Variants in DENND11 observed in about 807,000 individuals in gnomAD.
The protein encoded by DENND11 is DENN domain-containing protein 11.
Under a neutral mutation model 49.2 loss-of-function variants are expected in DENND11, and 34 were observed. The ratio of observed to expected loss-of-function variants is 0.69; its 90% CI spans 0.53 to 0.92. DENND11 has a LOEUF of 0.92. DENND11 is among the 40% of genes least tolerant of loss of function. The pLI, the probability that DENND11 is intolerant of heterozygous loss-of-function variation, is 0.00. For synonymous variants in DENND11, 238 were observed against 230.3 expected (o/e 1.03, Z -0.30); for missense variants, 475 against 581.6 (o/e 0.82, Z 1.88).
In DENND11 at chr7:141,665,017, C is replaced by T; in HGVS notation, c.990G>A (p.Leu330=). 3 of 1,613,972 alleles carry T rather than the reference C, an allele frequency of 1.9e-6. No homozygotes were observed. Among genetic ancestry groups the T allele is most frequent in the South Asian group, 1.1e-5 (1 of 91,074 alleles). ...TEKIFEEKRE[L]YDVYVDNQNV... ...TCTGGTTATCCACGTAGACGTCATA[C>T]AGCTCCCGCTTCTCCTCGAATATCT... Residue 330 remains leucine, a synonymous_variant, in exon 7 of 9, where the codon CTG becomes CTA. Coordinates refer to ENST00000536163, the MANE Select transcript of DENND11 (RefSeq NM_001080392.2).
chr7:141,671,443 T>C (rs113147750), intron 4 of DENND11, among the ~76,000 whole-genome samples: 1 of 152,178 alleles, frequency 6.6e-6, no homozygotes, highest in Non-Finnish European at 1.5e-5. Context: ...TCCCAAAGTG[T>C]TGGGATTACA....
intron 8 of DENND11, 114 bp downstream of exon 8, chr7:141,664,058 T>C: frequency 2.3e-6 from 2 of 878,456 alleles, no homozygotes; most frequent in Non-Finnish European, 3.6e-6. Context: ...TAAGTGCCCT[T>C]GGCAGCAATA....
chr7:141,696,898 A>C (rs1036470719), intron 1 of DENND11, among the ~76,000 whole-genome samples: 1 of 152,240 alleles, frequency 6.6e-6, no homozygotes, highest in Non-Finnish European at 1.5e-5. Flanking sequence ...ACCTAGTCTG[A>C]GAGCACATCC....
intron 1 of DENND11, among the ~76,000 whole-genome samples, chr7:141,697,592 A>T (rs1240636528): frequency 6.6e-6 from 1 of 152,074 alleles, no homozygotes; most frequent in African/African-American, 2.4e-5. Flanking sequence ...TTGTCCTCCA[A>T]ATTTTCCATT....
At chr7:141,680,034 T>C (rs1798125421) in intron 3 of DENND11, among the ~76,000 whole-genome samples, 1 of 152,154 alleles carries the variant, frequency 6.6e-6, no homozygotes, top group African/African-American at 2.4e-5. Context: ...CATACATATA[T>C]CCTTTGAGCC....
intron 4 of DENND11, among the ~76,000 whole-genome samples, chr7:141,668,962 C>T (rs1587205485): frequency 6.6e-6 from 1 of 152,318 alleles, no homozygotes; most frequent in Non-Finnish European, 1.5e-5. Context: ...CCTCTTTTCA[C>T]TCCAATTTCT....
chr7:141,692,606 C>A (rs1798344675), intron 1 of DENND11, among the ~76,000 whole-genome samples: 1 of 152,094 alleles, frequency 6.6e-6, no homozygotes, highest in Admixed American at 6.6e-5. Context: ...ACCTACTTTA[C>A]CCCTTTCACA....
At chr7:141,678,568 A>G (rs1798103110) in intron 3 of DENND11, among the ~76,000 whole-genome samples, 2 of 152,244 alleles carry the variant, frequency 1.3e-5, no homozygotes, top group Non-Finnish European at 2.9e-5. Flanking sequence ...TATTTGATCC[A>G]TATGGTTATA....
chr7:141,685,679 G>A (rs776599360), intron 2 of DENND11, 43 bp from the exon 3 acceptor site: 1 of 1,596,702 alleles, frequency 6.3e-7, no homozygotes, highest in South Asian at 1.1e-5. Context: ...GATCAGAGAG[G>A]AATTTTGAGA....
chr7:141,685,150 A>G (rs546249922), intron 3 of DENND11, among the ~76,000 whole-genome samples: 8 of 151,216 alleles, frequency 5.3e-5, no homozygotes, highest in African/African-American at 1.5e-4. Context: ...TTCTTTGCCT[A>G]CTTGGGGCAA....
chr7:141,685,450 T>C, intron 3 of DENND11, 28 bp downstream of exon 3: 7 of 1,611,562 alleles, frequency 4.3e-6, no homozygotes, highest in Non-Finnish European at 5.9e-6. Context: ...TCCTGCTGCC[T>C]CCCTGCACAT....
rs781335551 is a variant in DENND11 at position 141,691,864 on chromosome 7, A to C, written c.269-5206T>G. Among the ~76,000 whole-genome samples the C allele has an allele frequency of 8.3e-4, 126 of 152,102 alleles. 5 individuals are homozygous for C. The highest frequency in any genetic ancestry group is 2.1e-4 in the Non-Finnish European group (14 of 68,028). On this transcript the variant is annotated intron_variant, in intron 1 of 8. Coordinates refer to ENST00000536163, the MANE Select transcript of DENND11 (RefSeq NM_001080392.2). The stretch of plus-strand genomic sequence containing the variant: ...AGGTGAGAATTTTCCTTGTCTTCAC[A>C]TTTCTATATAGTATCATGCCTTGCA...
Position 141,666,364 on chromosome 7 carries a change from A to G in DENND11, c.743T>C (p.Ile248Thr), listed in dbSNP as rs766423405. The G allele has an allele frequency of 1.5e-5, 25 of 1,613,434 alleles. No homozygotes were observed. In the South Asian group the frequency reaches 2.5e-4, roughly 16 times the overall value. The change falls in exon 5 of 9, where the codon ATC becomes ACC. Residue 248 changes from isoleucine to threonine, a missense_variant. Transcript: ENST00000536163. ...TCGAAGTAAGGCAAATTTCCAGAGG[A>G]TGAGGATCTGTTCTCCAAAGAACTT... Reference protein sequence around the residue: ...FIKFFGEQILILWKFALLRKR... With the variant: ...FIKFFGEQILTLWKFALLRKR...
rs574378116 is a variant in DENND11, at chr7:141,700,914, A to T, written c.268+972T>A. On this transcript the variant is annotated intron_variant, in intron 1 of 8. Transcript: ENST00000536163. The stretch of plus-strand genomic sequence containing the variant: ...TTTCCCGCACGAACAGGCACTCCAC[A>T]CTCCAGCAGCTGCCCTGGAGACATT... 2.0e-5 allele frequency among the ~76,000 whole-genome samples: 3 copies of T among 151,516 alleles called. No individual in the cohort carries two copies. The East Asian group carries it at 5.9e-4, about 30-fold the overall frequency.
intron 3 of DENND11, among the ~76,000 whole-genome samples, chr7:141,675,885 G>A (rs2117062432): frequency 6.6e-6 from 1 of 152,220 alleles, no homozygotes; most frequent in South Asian, 2.1e-4. Context: ...GTTTTGACAA[G>A]GAGGTAGTCC....
intron 3 of DENND11, among the ~76,000 whole-genome samples, chr7:141,682,583 A>C (rs938166731): frequency 6.6e-6 from 1 of 152,232 alleles, no homozygotes; most frequent in African/African-American, 2.4e-5. Flanking sequence ...AACATTTGGG[A>C]AAGAGCACCT....
rs1798527806 is a variant in DENND11, at chr7:141,701,946, C to T, written c.208G>A (p.Gly70Ser). The T allele has an allele frequency of 1.7e-6, 2 of 1,195,738 alleles. No homozygotes were observed. Among genetic ancestry groups the T allele is most frequent in the Non-Finnish European group, 2.1e-6 (2 of 964,684 alleles). The allele number at this position is 1,195,738 out of a possible 1,614,324, so 74.1% of individuals were successfully genotyped here. A position where few individuals can be genotyped will look rare whatever the true frequency, so the allele number is the denominator to read the frequency against. ...VLLQPGRLEL[G>S]DVEEDQVVAV... ...ACCACCTGGTCCTCCTCCACGTCGCCCAGCTCCAGGCGCCCGGGCTGCAGC... is the reference window on the plus strand; with the variant it reads ...ACCACCTGGTCCTCCTCCACGTCGCTCAGCTCCAGGCGCCCGGGCTGCAGC... Residue 70 changes from glycine to serine, a missense_variant, in exon 1 of 9, where the codon GGC (glycine) becomes AGC (serine). Transcript: ENST00000536163.
In DENND11 at chr7:141,657,311, C is replaced by CA. The variant is rs1797710700; in HGVS notation, c.*5344dup. 1 of 152,210 alleles carries CA rather than the reference C, an allele frequency of 6.6e-6. No homozygotes were observed. Among genetic ancestry groups the CA allele is most frequent in the African/African-American group, 2.4e-5 (1 of 41,440 alleles). 9.4% of individuals were successfully genotyped at this position (152,210 alleles called of 1,614,324 possible). ...AAGTCACTCATCCAGGTTGGCTGCT[C>CA]AAACACCAAGAATCTCCACCATTCT... is the stretch of plus-strand genomic sequence containing the variant. On this transcript the variant is annotated 3_prime_UTR_variant, in exon 9 of 9. Transcript: ENST00000536163.
chr7:141,660,908 GTC>G lies in DENND11; in HGVS notation c.*1746_*1747del, dbSNP rs1797781898. Reference sequence around the variant, plus strand: ...GCAACCCACATTGCAGAGGAGAAAAGTCTATTAGCTGTACAGTTTACATTTCA... The same window carrying G: ...GCAACCCACATTGCAGAGGAGAAAAGTATTAGCTGTACAGTTTACATTTCA... On this transcript the variant is annotated 3_prime_UTR_variant, in exon 9 of 9. Transcript: ENST00000536163. The G allele has an allele frequency of 6.6e-6, 1 of 152,580 alleles. No homozygotes were observed. Among genetic ancestry groups the G allele is most frequent in the African/African-American group, 2.4e-5 (1 of 41,436 alleles). 9.5% of individuals were successfully genotyped at this position (152,580 alleles called of 1,614,324 possible).
Sources: allele counts gnomAD v4.1 joint callset (sites outside exome capture counted in the v4.1 genomes callset), GRCh38; gene constraint gnomAD v4.1.1; transcripts MANE v1.5; gene names NCBI Gene and HGNC (gene_info 2026-07-23, HGNC 2026-07-21).